EBF2: variants seen among roughly 807,000 people sequenced by gnomAD.
EBF2 encodes EBF transcription factor 2.
Under a neutral mutation model 72.8 loss-of-function variants are expected in EBF2, and 21 were observed. That is an observed-to-expected ratio of 0.29 (90% confidence interval 0.20 to 0.42). EBF2 has a LOEUF of 0.42. Ranked by LOEUF, EBF2 falls within the 10% of genes least tolerant of loss-of-function variation. The pLI, the probability that EBF2 is intolerant of heterozygous loss-of-function variation, is 1.00. For missense variants in EBF2, 637 were observed against 731.2 expected (o/e 0.87, Z 1.49); for synonymous variants, 299 against 274.2 (o/e 1.09, Z -0.89).
intron 6 of EBF2, among the ~76,000 whole-genome samples, chr8:25,921,540 C>T (rs1803305880): frequency 6.6e-6 from 1 of 152,170 alleles, no homozygotes; most frequent in South Asian, 2.1e-4. Context: ...TTCTTTTTGT[C>T]ATTCAAACTT....
chr8:26,018,701 G>T (rs1279745413), intron 6 of EBF2, among the ~76,000 whole-genome samples: 2 of 151,588 alleles, frequency 1.3e-5, no homozygotes, highest in Non-Finnish European at 2.9e-5. Context: ...GAAACAAAGG[G>T]CTGCTGATGG....
chr8:26,014,579 G>A (rs1257699766), intron 6 of EBF2, among the ~76,000 whole-genome samples: 1 of 152,156 alleles, frequency 6.6e-6, no homozygotes, highest in South Asian at 2.1e-4. Context: ...TTGACTTTGA[G>A]GGTTTCGATT....
chr8:25,962,388 A>G (rs756130189), intron 6 of EBF2, among the ~76,000 whole-genome samples: 9 of 152,274 alleles, frequency 5.9e-5, no homozygotes, highest in Non-Finnish European at 1.2e-4. Context: ...AGCAAGAAGT[A>G]TCAGCCCTGA....
chr8:25,938,730 C>T (rs1337120605), intron 6 of EBF2, among the ~76,000 whole-genome samples: 1 of 152,100 alleles, frequency 6.6e-6, no homozygotes. Context: ...GACTAAGACT[C>T]CAGGGCTGGA....
intron 6 of EBF2, among the ~76,000 whole-genome samples, chr8:26,008,386 A>G (rs549747053): frequency 3.2e-4 from 49 of 152,190 alleles, no homozygotes; most frequent in Non-Finnish European, 6.6e-4. Context: ...TCAGCTGGGA[A>G]GGACCTGGTA....
chr8:25,963,061 C>A (rs1563193972), intron 6 of EBF2, among the ~76,000 whole-genome samples: 1 of 152,102 alleles, frequency 6.6e-6, no homozygotes, highest in East Asian at 1.9e-4. Context: ...AAGTCCAAGG[C>A]CTTTGTTGTC....
chr8:26,030,880 C>T lies in EBF2; in HGVS notation c.551+2205G>A, dbSNP rs553217113. 1.1e-3 allele frequency among the ~76,000 whole-genome samples: 170 copies of T among 152,260 alleles called. 2 individuals are homozygous for T. Among genetic ancestry groups the T allele is most frequent in the African/African-American group, 3.8e-3 (159 of 41,536 alleles). ...CATGCTAGCACAAACTATGAAGGCG[C>T]CTAATATGAAAATCTTTTCTTTCTA... On this transcript the variant is annotated intron_variant, in intron 6 of 15. Coordinates refer to ENST00000520164, the MANE Select transcript of EBF2 (RefSeq NM_022659.4).
intron 6 of EBF2, among the ~76,000 whole-genome samples, chr8:25,919,328 A>G (rs1803272534): frequency 6.6e-6 from 1 of 152,308 alleles, no homozygotes; most frequent in East Asian, 1.9e-4. Context: ...GGAAGACTCC[A>G]GAAAGAAAGT....
At position 25,937,739 on chromosome 8, in the gene EBF2, CA is replaced by C. The variant is rs767605831; in HGVS notation, c.552-29185del. ...AGTTTGGCATTCTGAGTGGCTCTAC[CA>C]CTGTGTACATTAAATAGTCATGTAG... On this transcript the variant is annotated intron_variant, in intron 6 of 15. Transcript: ENST00000520164. 9.2e-5 allele frequency among the ~76,000 whole-genome samples: 14 copies of C among 152,236 alleles called. 1 individual carries two copies. The East Asian group carries it at 2.5e-3, about 27-fold the overall frequency.
chr8:25,949,246 C>A (rs1803818461), intron 6 of EBF2, among the ~76,000 whole-genome samples: 1 of 152,194 alleles, frequency 6.6e-6, no homozygotes, highest in African/African-American at 2.4e-5. Flanking sequence ...AGAAGTGGAG[C>A]TACAATTCGA....
At chr8:26,004,396 C>G (rs552576716) in intron 6 of EBF2, among the ~76,000 whole-genome samples, 4 of 152,066 alleles carry the variant, frequency 2.6e-5, no homozygotes, top group Non-Finnish European at 4.4e-5. Context: ...CTAAATAAGT[C>G]TGGCACAGTG....
intron 6 of EBF2, among the ~76,000 whole-genome samples, chr8:25,988,928 A>G (rs528222883): frequency 6.6e-6 from 1 of 152,346 alleles, no homozygotes; most frequent in African/African-American, 2.4e-5. Context: ...AAACAAGACT[A>G]ATACACAAAA....
At chr8:26,024,779 T>C (rs1007760102) in intron 6 of EBF2, among the ~76,000 whole-genome samples, 12 of 152,218 alleles carry the variant, frequency 7.9e-5, no homozygotes, top group African/African-American at 2.9e-4. Flanking sequence ...GCATCTGTTG[T>C]ATCATGCACT....
intron 6 of EBF2, among the ~76,000 whole-genome samples, chr8:26,003,809 T>C (rs893815470): frequency 6.6e-6 from 1 of 152,142 alleles, no homozygotes; most frequent in South Asian, 2.1e-4. Context: ...TCACACATCC[T>C]CTGAGCCGGA....
chr8:25,861,024 A>G, intron 13 of EBF2, 25 bp downstream of exon 13: 1 of 1,613,968 alleles, frequency 6.2e-7, no homozygotes, highest in Non-Finnish European at 8.5e-7. Flanking sequence ...ACATATTTGG[A>G]TTTTGACTCT....
At chr8:26,000,094 GTCCTAGA>G (rs1804700663) in intron 6 of EBF2, among the ~76,000 whole-genome samples, 1 of 152,140 alleles carries the variant, frequency 6.6e-6, no homozygotes, top group African/African-American at 2.4e-5. Flanking sequence ...TATTTCTGGA[GTCCTAGA>G]ACTTCCTAAG....
At chr8:26,030,735 G>T (rs1805388231) in intron 6 of EBF2, among the ~76,000 whole-genome samples, 1 of 152,142 alleles carries the variant, frequency 6.6e-6, no homozygotes, top group South Asian at 2.1e-4. Context: ...TTCAAGTGAG[G>T]CAGAGACATC....
intron 6 of EBF2, among the ~76,000 whole-genome samples, chr8:26,024,813 A>T (rs1271207057): frequency 6.6e-6 from 1 of 152,204 alleles, no homozygotes; most frequent in Non-Finnish European, 1.5e-5. Context: ...ACATGAATGT[A>T]TTTAGCACAA....
At chr8:26,011,863 G>A (rs1805029063) in intron 6 of EBF2, among the ~76,000 whole-genome samples, 1 of 151,894 alleles carries the variant, frequency 6.6e-6, no homozygotes, top group Admixed American at 6.6e-5. Flanking sequence ...GCACAGCCAG[G>A]AGCATGGTGA....
Sources: allele counts gnomAD v4.1 joint callset (sites outside exome capture counted in the v4.1 genomes callset), GRCh38; gene constraint gnomAD v4.1.1; transcripts MANE v1.5; gene names NCBI Gene and HGNC (gene_info 2026-07-23, HGNC 2026-07-21).